Variants in NRIP1 observed in about 807,000 individuals in gnomAD.
The protein encoded by NRIP1 is nuclear receptor-interacting protein 1.
NRIP1 carries 28 observed loss-of-function variants against 75.0 expected under a neutral mutation model. The observed-to-expected ratio is 0.37, with a 90% CI of 0.28 to 0.51. The LOEUF (loss-of-function observed/expected upper bound fraction) is 0.51. Among genes scored for constraint, NRIP1 ranks in the 20% least tolerant of loss-of-function variants. The pLI is 0.92. For synonymous variants in NRIP1, 526 were observed against 487.6 expected, an observed-to-expected ratio of 1.08 and a Z score of -1.04; for missense variants, 1,435 against 1,343.7, an observed-to-expected ratio of 1.07 and a Z score of -1.06.
At chr21:14,999,840 A>T (rs764406210) in intron 3 of NRIP1, among the ~76,000 whole-genome samples, 2 of 152,246 alleles carry the variant, frequency 1.3e-5, no homozygotes, top group Non-Finnish European at 2.9e-5. Flanking sequence ...TTAAATTAAT[A>T]GCCATAATAA....
At chr21:15,036,968 T>C (rs929416848) in intron 2 of NRIP1, among the ~76,000 whole-genome samples, 3 of 152,194 alleles carry the variant, frequency 2.0e-5, no homozygotes, top group African/African-American at 7.2e-5. Context: ...CCAAAAGCGT[T>C]TGTACTTTCC....
intron 3 of NRIP1, among the ~76,000 whole-genome samples, chr21:14,979,020 C>T (rs556630173): frequency 1.6e-4 from 24 of 152,276 alleles, no homozygotes; most frequent in Admixed American, 9.8e-4. Context: ...TATTACATGA[C>T]AGACAGTACA....
chr21:14,965,535 G>C lies in NRIP1; in HGVS notation c.2658C>G (p.Ala886=). The C allele has an allele frequency of 6.2e-7, 1 of 1,613,912 alleles. No individual in the cohort carries two copies. Among genetic ancestry groups the C allele is most frequent in the Non-Finnish European group, 8.5e-7 (1 of 1,179,902 alleles). The change falls in exon 4 of 4, where the codon GCC becomes GCG. Residue 886 remains alanine, a synonymous_variant. Coordinates refer to ENST00000318948, the MANE Select transcript of NRIP1 (RefSeq NM_003489.4). ...GCAAGGACCCATACAGTACTTCTGG[G>C]GCACTGTGATTGTTTGCAGCATCAA... ...NIVDAANNHS[A]PEVLYGSLLN...
chr21:15,059,053 T>A (rs1213689779), intron 1 of NRIP1, among the ~76,000 whole-genome samples: 1 of 152,214 alleles, frequency 6.6e-6, no homozygotes, highest in South Asian at 2.1e-4. Flanking sequence ...AACAAGTGAC[T>A]AAGGAATGAC....
chr21:14,969,431 A>G (rs1417979809), intron 3 of NRIP1, among the ~76,000 whole-genome samples: 1 of 152,202 alleles, frequency 6.6e-6, no homozygotes, highest in Non-Finnish European at 1.5e-5. Context: ...AAAATATTCC[A>G]ATGATATTTA....
rs61601138 is a variant in NRIP1 at position 14,964,267 on chromosome 21, G to GTT, written c.*447_*448dup. On this transcript the variant is annotated 3_prime_UTR_variant, in exon 4 of 4. Coordinates refer to ENST00000318948, the MANE Select transcript of NRIP1 (RefSeq NM_003489.4). ...ATAATAAGCTGTGAATCAGCACTAGGTTTTTTTTTATTGGATAATTATCCT... is the reference window on the plus strand; with the variant it reads ...ATAATAAGCTGTGAATCAGCACTAGGTTTTTTTTTTTATTGGATAATTATCCT... The GTT allele has an allele frequency of 4.7e-3, 711 of 150,796 alleles. No homozygotes were observed. The highest frequency in any genetic ancestry group is 8.2e-3 in the Non-Finnish European group (557 of 67,552). 9.3% of individuals were successfully genotyped at this position (150,796 alleles called of 1,614,324 possible). A position where few individuals can be genotyped will look rare whatever the true frequency, so the allele number is the denominator to read the frequency against.
chr21:15,003,773 C>T (rs775326742), intron 3 of NRIP1, among the ~76,000 whole-genome samples: 2 of 152,158 alleles, frequency 1.3e-5, no homozygotes, highest in Admixed American at 6.5e-5. Context: ...AGAGCAGCTG[C>T]GGGTGCCAAT....
chr21:15,015,312 G>GTGA (rs2088199695), intron 2 of NRIP1, among the ~76,000 whole-genome samples: 1 of 152,172 alleles, frequency 6.6e-6, no homozygotes, highest in Non-Finnish European at 1.5e-5. Flanking sequence ...CATCTTAATG[G>GTGA]TGATGATGGT....
At chr21:14,985,531 C>T (rs1363691330) in intron 3 of NRIP1, among the ~76,000 whole-genome samples, 3 of 152,152 alleles carry the variant, frequency 2.0e-5, no homozygotes, top group Non-Finnish European at 2.9e-5. Context: ...ATCCACCCGC[C>T]TCGGCCCCCC....
intron 2 of NRIP1, among the ~76,000 whole-genome samples, chr21:15,019,542 G>A (rs1341358979): frequency 8.6e-6 from 1 of 116,112 alleles, no homozygotes; most frequent in Non-Finnish European, 1.6e-5. Flanking sequence ...AAGCTGGAGT[G>A]CAATGATGCA....
At chr21:15,022,350 C>A (rs1480066298) in intron 2 of NRIP1, among the ~76,000 whole-genome samples, 1 of 152,102 alleles carries the variant, frequency 6.6e-6, no homozygotes, top group Admixed American at 6.6e-5. Context: ...TACATGGACA[C>A]ATTTCTGGGG....
chr21:15,059,186 C>T lies in NRIP1; in HGVS notation c.-538+5559G>A, dbSNP rs2089370811. On this transcript the variant is annotated intron_variant, in intron 1 of 3. Transcript: ENST00000318948. ...GTAGCTTAAGCGGATGACTCAAATTCCCAGCAGAATTCTAGTTTAATATTT... is the reference window on the plus strand; with the variant it reads ...GTAGCTTAAGCGGATGACTCAAATTTCCAGCAGAATTCTAGTTTAATATTT... Among the ~76,000 whole-genome samples the T allele has an allele frequency of 2.0e-5, 3 of 152,252 alleles. No homozygotes were observed. In the South Asian group the frequency reaches 6.2e-4, roughly 32 times the overall value.
At chr21:14,983,025 T>C (rs756577573) in intron 3 of NRIP1, among the ~76,000 whole-genome samples, 1 of 152,118 alleles carries the variant, frequency 6.6e-6, no homozygotes. Context: ...CAGTCCTTTT[T>C]ATTGCCTGAG....
chr21:14,991,494 T>A (rs1231374513), intron 3 of NRIP1, among the ~76,000 whole-genome samples: 2 of 152,022 alleles, frequency 1.3e-5, no homozygotes, highest in African/African-American at 4.8e-5. Context: ...CAGCTAAACA[T>A]GATGACTCTG....
intron 2 of NRIP1, among the ~76,000 whole-genome samples, chr21:15,037,511 G>A (rs113974685): frequency 1.3e-5 from 2 of 152,210 alleles, no homozygotes; most frequent in African/African-American, 2.4e-5. Context: ...TTGCTGCAGC[G>A]ATGAATGAAA....
intron 3 of NRIP1, among the ~76,000 whole-genome samples, chr21:14,995,197 C>T (rs2087688776): frequency 6.6e-6 from 1 of 152,096 alleles, no homozygotes; most frequent in African/African-American, 2.4e-5. Context: ...AATCACAAGA[C>T]ATATGTCAAA....
chr21:15,059,885 T>C (rs576936269), intron 1 of NRIP1, among the ~76,000 whole-genome samples: 14 of 152,292 alleles, frequency 9.2e-5, no homozygotes, highest in African/African-American at 3.1e-4. Context: ...TGTTTATCCA[T>C]AGCATGATTC....
intron 3 of NRIP1, among the ~76,000 whole-genome samples, chr21:15,010,757 C>T (rs1164713915): frequency 6.6e-6 from 1 of 152,162 alleles, no homozygotes; most frequent in Non-Finnish European, 1.5e-5. Flanking sequence ...TGTCAGTAAA[C>T]AGGCCTGCCA....
chr21:15,039,748 G>A (rs2088912684), intron 2 of NRIP1, among the ~76,000 whole-genome samples: 1 of 151,902 alleles, frequency 6.6e-6, no homozygotes, highest in Non-Finnish European at 1.5e-5. Context: ...TCCCCTAAAA[G>A]TAAAATTCTA....
Sources: allele counts gnomAD v4.1 joint callset (sites outside exome capture counted in the v4.1 genomes callset), GRCh38; gene constraint gnomAD v4.1.1; transcripts MANE v1.5; gene names NCBI Gene and HGNC (gene_info 2026-07-23, HGNC 2026-07-21).